SEMA4B: variants seen among roughly 807,000 people sequenced by gnomAD.
The protein encoded by SEMA4B is semaphorin 4B.
In SEMA4B, 55 loss-of-function variants were observed where a neutral mutation model predicts 88.1. That is an observed-to-expected ratio of 0.62 (90% CI 0.50 to 0.78). SEMA4B has a LOEUF of 0.78. Ranked by LOEUF, SEMA4B falls within the 30% of genes least tolerant of loss-of-function variation. The pLI, the probability that SEMA4B is intolerant of heterozygous loss-of-function variation, is 0.00. For missense variants in SEMA4B, 1,062 were observed against 1,111.9 expected, an observed-to-expected ratio of 0.96 and a Z score of 0.64; for synonymous variants, 525 against 473.6, an observed-to-expected ratio of 1.11 and a Z score of -1.41.
chr15:90,188,755 C>A (rs1444453733), intron 1 of SEMA4B, among the ~76,000 whole-genome samples: 2 of 152,008 alleles, frequency 1.3e-5, no homozygotes, highest in Admixed American at 6.6e-5. Flanking sequence ...GCAAGCTCCG[C>A]CCCCCGGATT....
chr15:90,198,660 C>T (rs1691583628), upstream of SEMA4B, among the ~76,000 whole-genome samples: 1 of 151,964 alleles, frequency 6.6e-6, no homozygotes, highest in Admixed American at 6.6e-5. Context: ...GGTGAGGGAG[C>T]AGCCAGGTCA....
At chr15:90,225,542 T>A in intron 11 of SEMA4B, 119 bp from the exon 12 acceptor site, 1 of 1,308,286 alleles carries the variant, frequency 7.6e-7, no homozygotes. Flanking sequence ...GAAAGTGGGG[T>A]CGCCTGTTAC....
chr15:90,228,522 G>C lies in SEMA4B; in HGVS notation c.2393G>C (p.Arg798Pro), dbSNP rs202026369. 1 of 1,612,100 alleles carries C rather than the reference G, an allele frequency of 6.2e-7. No homozygotes were observed. Among genetic ancestry groups the C allele is most frequent in the East Asian group, 2.2e-5 (1 of 44,854 alleles). The change falls in exon 14 of 14, where the codon CGA becomes CCA. Residue 798 changes from arginine (R) to proline (P), a missense_variant. By Grantham distance (103) the Arg-to-Pro change is moderately radical. Transcript: ENST00000411539. Reference protein sequence around the residue: ...QSLSDSPPGSRVFTESEKRPL... With the variant: ...QSLSDSPPGSPVFTESEKRPL... Reference sequence around the variant, plus strand: ...CTGTCAGACAGCCCCCCGGGGTCCCGAGTCTTCACTGAGTCAGAGAAGAGG... The same window carrying C: ...CTGTCAGACAGCCCCCCGGGGTCCCCAGTCTTCACTGAGTCAGAGAAGAGG...
At chr15:90,196,003 T>C (rs1245833030) in intron 1 of SEMA4B, among the ~76,000 whole-genome samples, 2 of 148,016 alleles carry the variant, frequency 1.4e-5, no homozygotes, top group African/African-American at 5.1e-5. Flanking sequence ...CACTGCGAGC[T>C]CTGCCTCCTG....
At chr15:90,223,330 C>T (rs1441091946) in intron 7 of SEMA4B, among the ~76,000 whole-genome samples, 1 of 152,192 alleles carries the variant, frequency 6.6e-6, no homozygotes, top group Non-Finnish European at 1.5e-5. Context: ...GTTTGCTCAG[C>T]AGTGAATCGC....
intron 1 of SEMA4B, among the ~76,000 whole-genome samples, chr15:90,207,906 G>T (rs1382036044): frequency 2.0e-5 from 3 of 152,176 alleles, no homozygotes; most frequent in African/African-American, 7.2e-5. Flanking sequence ...GAAGGGTAGT[G>T]GGCCACAGCC....
chr15:90,221,700 G>A lies in SEMA4B; in HGVS notation c.796G>A (p.Glu266Lys), dbSNP rs1567058914. 5 of 1,614,000 alleles carry A rather than the reference G, an allele frequency of 3.1e-6. No individual in the cohort carries two copies. Among genetic ancestry groups the A allele is most frequent in the Non-Finnish European group, 4.2e-6 (5 of 1,179,892 alleles). Reference protein sequence around the residue: ...DDDKIYFFFSETGQEFEFFEN... With the variant: ...DDDKIYFFFSKTGQEFEFFEN... ...TGACAAGATCTACTTTTTCTTCAGC[G>A]AGACTGGCCAGGAATTTGAGTTCTT... The change falls in exon 7 of 14, where the codon GAG becomes AAG. Residue 266 changes from glutamate to lysine, a missense_variant. Physicochemically the swap from Glu to Lys is moderately conservative, Grantham distance 56. Transcript: ENST00000411539.
chr15:90,209,305 C>T (rs1231276785), intron 1 of SEMA4B, among the ~76,000 whole-genome samples: 4 of 152,122 alleles, frequency 2.6e-5, no homozygotes, highest in African/African-American at 4.8e-5. Context: ...AATCCCAACA[C>T]TTTGGGAGGC....
chr15:90,217,226 A>G, intron 1 of SEMA4B: 1 of 524,160 alleles, frequency 1.9e-6, no homozygotes, highest in South Asian at 2.9e-5. Context: ...GTATCCTTGT[A>G]CATACATCTC....
rs999532757 is a variant in SEMA4B, at chr15:90,228,958, G to A, written c.*315G>A. 1.9e-5 allele frequency: 9 copies of A among 465,464 alleles called. No homozygotes were observed. The highest frequency in any genetic ancestry group is 1.8e-4 in the African/African-American group (9 of 50,502). 28.8% of individuals were successfully genotyped at this position (465,464 alleles called of 1,614,324 possible). Reference sequence around the variant, plus strand: ...TCCAAATGTGAAACTAGAATGAGAGGGAAGAGATAGCATGGCATGCAGCAC... The same window carrying A: ...TCCAAATGTGAAACTAGAATGAGAGAGAAGAGATAGCATGGCATGCAGCAC... On this transcript the variant is annotated 3_prime_UTR_variant, in exon 14 of 14. Transcript: ENST00000411539.
chr15:90,207,299 C>T (rs575193127), intron 1 of SEMA4B, among the ~76,000 whole-genome samples: 121 of 149,770 alleles, frequency 8.1e-4, no homozygotes, highest in African/African-American at 2.8e-3. Context: ...GGGCCTGTGG[C>T]GAGGGGGTTT....
Position 90,228,213 on chromosome 15 carries a change from C to G in SEMA4B, c.2084C>G (p.Thr695Arg). 1.9e-6 allele frequency: 3 copies of G among 1,608,714 alleles called. No individual in the cohort carries two copies. Among genetic ancestry groups the G allele is most frequent in the Non-Finnish European group, 2.5e-6 (3 of 1,177,246 alleles). ...GGCAGTGTACCCGTCATTATCAGCA[C>G]ATCGCGTGTGAGTGCACCAGCTGGT... ...EGGSVPVIISTSRVSAPAGGK... is the reference protein window; with the variant it reads ...EGGSVPVIISRSRVSAPAGGK... Residue 695 changes from threonine (T) to arginine (R), a missense_variant, in exon 14 of 14, where the codon ACA (threonine) becomes AGA (arginine). Thr to Arg is a moderately conservative substitution (Grantham distance 71). Transcript: ENST00000411539.
At chr15:90,198,740 A>G (rs1960597645), upstream of SEMA4B, among the ~76,000 whole-genome samples, 1 of 152,118 alleles carries the variant, frequency 6.6e-6, no homozygotes, top group Admixed American at 6.6e-5. Flanking sequence ...GTAGTAGAGG[A>G]TGCAGTGGTA....
At chr15:90,195,323 C>A (rs1960466398) in intron 1 of SEMA4B, among the ~76,000 whole-genome samples, 1 of 152,056 alleles carries the variant, frequency 6.6e-6, no homozygotes, top group Admixed American at 6.6e-5. Context: ...AACTTCTGGG[C>A]TCAAGTGATC....
At chr15:90,185,923 G>GTT (rs1960151017) in intron 1 of SEMA4B, among the ~76,000 whole-genome samples, 1 of 95,988 alleles carries the variant, frequency 1.0e-5, no homozygotes, top group African/African-American at 4.0e-5. Flanking sequence ...TTCTTTTGGT[G>GTT]ATTTTTTTTT....
chr15:90,202,789 GT>G (rs1442451373), intron 1 of SEMA4B, among the ~76,000 whole-genome samples: 5 of 152,190 alleles, frequency 3.3e-5, no homozygotes, highest in African/African-American at 1.2e-4. Context: ...TGAATTAGAG[GT>G]TACAGACTGA....
chr15:90,186,360 C>A (rs1019776598), intron 1 of SEMA4B, among the ~76,000 whole-genome samples: 1 of 152,082 alleles, frequency 6.6e-6, no homozygotes, highest in African/African-American at 2.4e-5. Flanking sequence ...TGGCTCACGC[C>A]TGTAATCCCA....
In SEMA4B at chr15:90,201,544, C is replaced by T. The variant is rs748984820; in HGVS notation, c.-35C>T. ...GTGAGTCCGGCCGAGCCACCTGAGCCCGAGCCGCGGGACACCGTCGCTCCT... is the reference window on the plus strand; with the variant it reads ...GTGAGTCCGGCCGAGCCACCTGAGCTCGAGCCGCGGGACACCGTCGCTCCT... On this transcript the variant is annotated 5_prime_UTR_variant, in exon 1 of 14. Coordinates refer to ENST00000411539, the MANE Select transcript of SEMA4B (RefSeq NM_198925.4). 2.4e-5 allele frequency: 34 copies of T among 1,423,244 alleles called. No individual in the cohort carries two copies. The highest frequency in any genetic ancestry group is 2.7e-5 in the Non-Finnish European group (30 of 1,092,832). 88.2% of individuals were successfully genotyped at this position (1,423,244 alleles called of 1,614,324 possible).
intron 3 of SEMA4B, among the ~76,000 whole-genome samples, chr15:90,218,952 G>C (rs1387732949): frequency 6.6e-6 from 1 of 152,206 alleles, no homozygotes; most frequent in African/African-American, 2.4e-5. Context: ...TGGCATATCT[G>C]GAGGAGGGGC....
Sources: allele counts gnomAD v4.1 joint callset (sites outside exome capture counted in the v4.1 genomes callset), GRCh38; gene constraint gnomAD v4.1.1; transcripts MANE v1.5; gene names NCBI Gene and HGNC (gene_info 2026-07-23, HGNC 2026-07-21).